The following GRM7 variants were observed in gnomAD, a reference collection of about 807,000 sequenced individuals.
GRM7 encodes the protein metabotropic glutamate receptor 7.
In GRM7, 35 loss-of-function variants were observed where a neutral mutation model predicts 84.5. The observed-to-expected ratio is 0.41, with a 90% CI of 0.32 to 0.55. The LOEUF is 0.55. GRM7 is among the 20% of genes least tolerant of loss of function. The pLI, the probability that GRM7 is intolerant of heterozygous loss-of-function variation, is 0.19. For missense variants in GRM7, 1,003 were observed against 1,194.6 expected (o/e 0.84, Z 2.36); for synonymous variants, 487 against 455.1 (o/e 1.07, Z -0.89).
At chr3:6,908,394 C>G (rs1254927018) in intron 1 of GRM7, among the ~76,000 whole-genome samples, 1 of 152,206 alleles carries the variant, frequency 6.6e-6, no homozygotes, top group Non-Finnish European at 1.5e-5. Flanking sequence ...CTTAAGCTTG[C>G]AGCAATGATC....
At chr3:7,172,174 A>G (rs1695005221) in intron 2 of GRM7, among the ~76,000 whole-genome samples, 1 of 152,198 alleles carries the variant, frequency 6.6e-6, no homozygotes, top group African/African-American at 2.4e-5. Flanking sequence ...CCAAAAGACT[A>G]TATGAGATGC....
In GRM7 at chr3:7,496,232, C is replaced by A. The variant is rs547604241; in HGVS notation, c.1515+34510C>A. On this transcript the variant is annotated intron_variant, in intron 7 of 9. Coordinates refer to ENST00000357716, the MANE Select transcript of GRM7 (RefSeq NM_000844.4). ...ATTGCATGAGTAAAACATCATCTAC[C>A]TAGTGAAGAAACCCAACAACATCTT... Among the ~76,000 whole-genome samples, 4 of 152,222 alleles carry A rather than the reference C, an allele frequency of 2.6e-5. No homozygotes were observed. In the South Asian group the frequency reaches 8.3e-4, roughly 32 times the overall value.
rs182472274 is a variant in GRM7 at position 7,323,684 on chromosome 3, A to T, written c.1033+17032A>T. Among the ~76,000 whole-genome samples, 58 of 152,336 alleles carry T rather than the reference A, an allele frequency of 3.8e-4. 2 individuals are homozygous for T. Among genetic ancestry groups the T allele is most frequent in the Admixed American group, 3.1e-3 (48 of 15,294 alleles). On this transcript the variant is annotated intron_variant, in intron 4 of 9. Coordinates refer to ENST00000357716, the MANE Select transcript of GRM7 (RefSeq NM_000844.4). ...TACAAAAAACTAATTTGCCAAGTCAATGGCCACATAACGTGTCATGGTTTT... is the reference window on the plus strand; with the variant it reads ...TACAAAAAACTAATTTGCCAAGTCATTGGCCACATAACGTGTCATGGTTTT...
intron 9 of GRM7, chr3:7,681,517 C>A (rs1429682514): frequency 1.3e-5 from 2 of 152,130 alleles, no homozygotes. Flanking sequence ...AATATGTAGA[C>A]AAAGTAACAA....
rs559177443 is a variant in GRM7, at chr3:7,602,602, T to A, written c.2451+23245T>A. 5.9e-5 allele frequency among the ~76,000 whole-genome samples: 9 copies of A among 152,314 alleles called. No homozygotes were observed. The South Asian group carries it at 1.9e-3, about 32-fold the overall frequency. ...AGCATCAGCGACTACTTGGGCATAA[T>A]TAGCCTTCCATTGATTTCCAGAAAA... On this transcript the variant is annotated intron_variant, in intron 8 of 9. Transcript: ENST00000357716.
At chr3:7,190,155 A>C (rs1172736356) in intron 2 of GRM7, among the ~76,000 whole-genome samples, 1 of 152,186 alleles carries the variant, frequency 6.6e-6, no homozygotes, top group Non-Finnish European at 1.5e-5. Flanking sequence ...GCGCTAGTCA[A>C]GTAACACATC....
chr3:7,122,425 A>AT (rs1316045078), intron 1 of GRM7, among the ~76,000 whole-genome samples: 1 of 151,132 alleles, frequency 6.6e-6, no homozygotes, highest in Non-Finnish European at 1.5e-5. Flanking sequence ...TCAAAAAAAG[A>AT]TTTTTTTAAG....
At chr3:7,572,864 ATATATATATATATAT>A (rs1484003352) in intron 7 of GRM7, among the ~76,000 whole-genome samples, 3 of 51,686 alleles carry the variant, frequency 5.8e-5, no homozygotes, top group Non-Finnish European at 8.4e-5. Flanking sequence ...ATATATATAT[ATATATATATATATAT>A]AAATAATCTT....
intron 2 of GRM7, among the ~76,000 whole-genome samples, chr3:7,153,133 A>ATTTTTTTTTTTTTTTTTTTTT: frequency 9.7e-6 from 1 of 103,384 alleles, no homozygotes; most frequent in Non-Finnish European, 1.9e-5. Flanking sequence ...GGTACTGTGG[A>ATTTTTTTTTTTTTTTTTTTTT]TTTTTTTTTT....
intron 2 of GRM7, among the ~76,000 whole-genome samples, chr3:7,198,069 A>G (rs1253334597): frequency 6.6e-6 from 1 of 151,916 alleles, no homozygotes; most frequent in East Asian, 1.9e-4. Context: ...AGAGCTGATG[A>G]TGAGTTTTAA....
At chr3:7,453,528 T>C (rs1697867185) in intron 6 of GRM7, among the ~76,000 whole-genome samples, 2 of 152,104 alleles carry the variant, frequency 1.3e-5, no homozygotes, top group South Asian at 4.1e-4. Context: ...TTACAAAAGG[T>C]ATTTTAAAGG....
chr3:7,475,638 G>A (rs1294973318), intron 7 of GRM7, among the ~76,000 whole-genome samples: 1 of 152,162 alleles, frequency 6.6e-6, no homozygotes, highest in Non-Finnish European at 1.5e-5. Context: ...CACTTGAGGT[G>A]ATTGTCTATA....
intron 1 of GRM7, among the ~76,000 whole-genome samples, chr3:6,985,772 C>G (rs183336586): frequency 6.6e-6 from 1 of 151,996 alleles, no homozygotes; most frequent in Non-Finnish European, 1.5e-5. Context: ...GGAACAAAAA[C>G]GTGTTATTAA....
At chr3:7,055,503 G>GTATGTATATATACATGTATATATGTA (rs1553611544) in intron 1 of GRM7, among the ~76,000 whole-genome samples, 34 of 148,724 alleles carry the variant, frequency 2.3e-4, no homozygotes, top group African/African-American at 8.3e-4. Context: ...GTGTGTGTGT[G>GTATGTATATATACATGTATATATGTA]TGTATGTATA....
chr3:7,326,132 G>A (rs1478404207), intron 4 of GRM7, among the ~76,000 whole-genome samples: 1 of 134,324 alleles, frequency 7.4e-6, no homozygotes, highest in Non-Finnish European at 1.5e-5. Context: ...GACAACCACA[G>A]TAATTAAAGG....
At chr3:7,370,030 C>T (rs113798440) in intron 4 of GRM7, among the ~76,000 whole-genome samples, 9 of 152,184 alleles carry the variant, frequency 5.9e-5, no homozygotes, top group African/African-American at 2.2e-4. Context: ...GTGTTGATTC[C>T]AGCCACTTTG....
chr3:7,689,088 A>T (rs542196555), intron 9 of GRM7, among the ~76,000 whole-genome samples: 79 of 152,354 alleles, frequency 5.2e-4, no homozygotes, highest in African/African-American at 1.3e-3. Context: ...ATCTGGCATC[A>T]TCACCATGAC....
chr3:7,635,435 A>G (rs2125100140), intron 8 of GRM7, among the ~76,000 whole-genome samples: 1 of 152,318 alleles, frequency 6.6e-6, no homozygotes, highest in African/African-American at 2.4e-5. Flanking sequence ...AAACCAACCT[A>G]ACTCCTTAAT....
chr3:7,524,343 G>T (rs1421372440), intron 7 of GRM7, among the ~76,000 whole-genome samples: 1 of 145,566 alleles, frequency 6.9e-6, no homozygotes, highest in Non-Finnish European at 1.5e-5. Context: ...CAAAATGGGA[G>T]AAAATTTTCG....
Sources: allele counts gnomAD v4.1 joint callset (sites outside exome capture counted in the v4.1 genomes callset), GRCh38; gene constraint gnomAD v4.1.1; transcripts MANE v1.5; gene names NCBI Gene and HGNC (gene_info 2026-07-23, HGNC 2026-07-21).